Variants in KCNT2 observed in about 807,000 individuals in gnomAD.
KCNT2 encodes the protein potassium channel subfamily T member 2.
In KCNT2, 67 loss-of-function variants were observed where a neutral mutation model predicts 153.8. That is an observed-to-expected ratio of 0.44 (90% CI 0.36 to 0.53). The LOEUF (loss-of-function observed/expected upper bound fraction) is 0.53. Ranked by LOEUF, KCNT2 falls within the 20% of genes least tolerant of loss-of-function variation. KCNT2 has a pLI of 0.00. For synonymous variants in KCNT2, 500 were observed against 458.8 expected (o/e 1.09, Z -1.15); for missense variants, 975 against 1,354.8 (o/e 0.72, Z 4.40).
intron 16 of KCNT2, among the ~76,000 whole-genome samples, chr1:196,337,022 T>A (rs1665104217): frequency 6.6e-6 from 1 of 152,154 alleles, no homozygotes; most frequent in African/African-American, 2.4e-5. Context: ...TGGCTTTAAA[T>A]ATATACATAA....
chr1:196,364,939 C>T lies in KCNT2; in HGVS notation c.1403+8201G>A, dbSNP rs76394166. On this transcript the variant is annotated intron_variant, in intron 14 of 27. Coordinates refer to ENST00000294725, the MANE Select transcript of KCNT2 (RefSeq NM_198503.5). Reference sequence around the variant, plus strand: ...TTGCAACTTTTTAAAATTAATTCTGCGCCATGTAAAAGCAAATTTGCTTCC... The same window carrying T: ...TTGCAACTTTTTAAAATTAATTCTGTGCCATGTAAAAGCAAATTTGCTTCC... Among the ~76,000 whole-genome samples, 169 of 152,082 alleles carry T rather than the reference C, an allele frequency of 1.1e-3. 1 individual carries two copies. The highest frequency in any genetic ancestry group is 3.8e-3 in the African/African-American group (158 of 41,556).
At chr1:196,397,368 C>G (rs1463661166) in intron 13 of KCNT2, among the ~76,000 whole-genome samples, 1 of 151,388 alleles carries the variant, frequency 6.6e-6, no homozygotes, top group African/African-American at 2.4e-5. Flanking sequence ...TAATGATATA[C>G]GTAACAGGTT....
chr1:196,406,632 T>C (rs1671854922), intron 12 of KCNT2, among the ~76,000 whole-genome samples: 2 of 151,346 alleles, frequency 1.3e-5, no homozygotes, highest in African/African-American at 4.8e-5. Context: ...TGGTCTAGCA[T>C]TCTGGGCCTC....
At position 196,526,015 on chromosome 1, in the gene KCNT2, CTGTGTGTGTG is replaced by C. The variant is rs369541629; in HGVS notation, c.96-33684_96-33675del. On this transcript the variant is annotated intron_variant, in intron 1 of 27. Coordinates refer to ENST00000294725, the MANE Select transcript of KCNT2 (RefSeq NM_198503.5). ...ATAGCACAAATAATGAGAACTGACTCTGTGTGTGTGTGTGTGTGTGTGTGTGTGTGTGTGT... is the reference window on the plus strand; with the variant it reads ...ATAGCACAAATAATGAGAACTGACTCTGTGTGTGTGTGTGTGTGTGTGTGT... Among the ~76,000 whole-genome samples, 570 of 140,142 alleles carry C rather than the reference CTGTGTGTGTG, an allele frequency of 4.1e-3. 5 individuals are homozygous for C. The highest frequency in any genetic ancestry group is 0.013 in the African/African-American group (493 of 38,172). The allele number at this position is 140,142 out of a possible 152,430, so 91.9% of individuals were successfully genotyped here. A position where few individuals can be genotyped will look rare whatever the true frequency, so the allele number is the denominator to read the frequency against.
intron 13 of KCNT2, among the ~76,000 whole-genome samples, chr1:196,389,509 A>T (rs1012320744): frequency 2.6e-5 from 4 of 151,722 alleles, no homozygotes; most frequent in Non-Finnish European, 5.9e-5. Context: ...ATCTTATACA[A>T]TGTTTAAAAT....
At chr1:196,535,392 A>T (rs1349471208) in intron 1 of KCNT2, among the ~76,000 whole-genome samples, 1 of 152,238 alleles carries the variant, frequency 6.6e-6, no homozygotes, top group Non-Finnish European at 1.5e-5. Flanking sequence ...ACACATTGGA[A>T]ATTGGAGAGC....
chr1:196,273,537 A>C (rs1287092323), intron 25 of KCNT2: 3 of 1,402,148 alleles, frequency 2.1e-6, no homozygotes, highest in South Asian at 1.2e-5. Context: ...AGTTTAAACA[A>C]TGACTAAACA....
intron 14 of KCNT2, among the ~76,000 whole-genome samples, chr1:196,353,179 C>T (rs1348152551): frequency 2.0e-5 from 3 of 151,930 alleles, no homozygotes; most frequent in African/African-American, 4.8e-5. Context: ...TCTTTTTCCC[C>T]TCATGGTCAA....
intron 1 of KCNT2, among the ~76,000 whole-genome samples, chr1:196,507,519 G>T (rs12071079): frequency 1.3e-5 from 2 of 152,200 alleles, no homozygotes; most frequent in South Asian, 2.1e-4. Flanking sequence ...GTGGGGTGGC[G>T]ACTGTATTTG....
At chr1:196,294,616 A>G (rs1660512835) in intron 22 of KCNT2, among the ~76,000 whole-genome samples, 1 of 152,062 alleles carries the variant, frequency 6.6e-6, no homozygotes, top group East Asian at 1.9e-4. Context: ...TCCTCAGAAA[A>G]CTAAAAATAG....
At chr1:196,295,784 T>A (rs1660622077) in intron 22 of KCNT2, among the ~76,000 whole-genome samples, 3 of 152,036 alleles carry the variant, frequency 2.0e-5, no homozygotes, top group Non-Finnish European at 4.4e-5. Context: ...AAAATCATCA[T>A]TCAAGAGATT....
chr1:196,390,424 C>T (rs1412400419), intron 13 of KCNT2, among the ~76,000 whole-genome samples: 1 of 151,436 alleles, frequency 6.6e-6, no homozygotes, highest in East Asian at 1.9e-4. Context: ...TTTTCTCAAT[C>T]TCCCTTGGTT....
chr1:196,501,522 A>G (rs749674597), intron 1 of KCNT2, among the ~76,000 whole-genome samples: 6 of 152,208 alleles, frequency 3.9e-5, no homozygotes, highest in Non-Finnish European at 8.8e-5. Flanking sequence ...ATCCTCACTT[A>G]TAAGTGGGAG....
chr1:196,331,114 T>G, intron 18 of KCNT2, 42 bp downstream of exon 18: 1 of 1,057,226 alleles, frequency 9.5e-7, no homozygotes, highest in Non-Finnish European at 1.5e-6. Context: ...TAAAATGCTA[T>G]AATTTTATTT....
chr1:196,387,065 A>C (rs1036372336), intron 13 of KCNT2, among the ~76,000 whole-genome samples: 1 of 152,052 alleles, frequency 6.6e-6, no homozygotes, highest in African/African-American at 2.4e-5. Flanking sequence ...AAATTTTATC[A>C]TGGTATTAAT....
rs571112091 is a variant in KCNT2 at position 196,273,354 on chromosome 1, T to A, written c.2910+7506A>T. The A allele has an allele frequency of 4.5e-4, 304 of 679,664 alleles. 3 individuals are homozygous for A. The East Asian group carries it at 8.6e-3, about 19-fold the overall frequency. 42.1% of individuals were successfully genotyped at this position (679,664 alleles called of 1,614,324 possible). On this transcript the variant is annotated intron_variant, in intron 25 of 27. Transcript: ENST00000294725. The stretch of plus-strand genomic sequence containing the variant: ...TATGCATTTAAGTTTAAATGATTTA[T>A]TTCATTTTAATGTCTGAGTATTAAA...
chr1:196,404,714 G>A (rs772566417), intron 12 of KCNT2, among the ~76,000 whole-genome samples: 4 of 151,430 alleles, frequency 2.6e-5, no homozygotes, highest in African/African-American at 7.3e-5. Context: ...CTAATTTTTA[G>A]CATTTTTAAA....
At chr1:196,450,727 G>A (rs905422366) in intron 8 of KCNT2, among the ~76,000 whole-genome samples, 1 of 151,784 alleles carries the variant, frequency 6.6e-6, no homozygotes, top group Non-Finnish European at 1.5e-5. Context: ...TAACCTCCCA[G>A]CCAGTATTTC....
intron 15 of KCNT2, among the ~76,000 whole-genome samples, chr1:196,340,894 T>C (rs1351987698): frequency 6.6e-6 from 1 of 151,932 alleles, no homozygotes; most frequent in African/African-American, 2.4e-5. Flanking sequence ...CAGCATATCT[T>C]ACTTTGGTTA....
Sources: allele counts gnomAD v4.1 joint callset (sites outside exome capture counted in the v4.1 genomes callset), GRCh38; gene constraint gnomAD v4.1.1; transcripts MANE v1.5; gene names NCBI Gene and HGNC (gene_info 2026-07-23, HGNC 2026-07-21).